CALN1: variants seen among roughly 807,000 people sequenced by gnomAD.
CALN1 encodes calcium-binding protein 8.
CALN1 carries 17 observed loss-of-function variants against 30.6 expected under a neutral mutation model. The observed-to-expected ratio is 0.56, with a 90% CI of 0.38 to 0.83. The LOEUF (loss-of-function observed/expected upper bound fraction) is 0.83. Among genes scored for constraint, CALN1 ranks in the 40% least tolerant of loss-of-function variants. CALN1 has a pLI of 0.00. For missense variants in CALN1, 291 were observed against 354.9 expected (o/e 0.82, Z 1.45); for synonymous variants, 156 against 131.4 (o/e 1.19, Z -1.28).
At chr7:72,083,408 C>CAT (rs1805282446) in intron 4 of CALN1, among the ~76,000 whole-genome samples, 1 of 151,566 alleles carries the variant, frequency 6.6e-6, no homozygotes, top group Non-Finnish European at 1.5e-5. Flanking sequence ...GTGAGACCCC[C>CAT]ATCTCTACAA....
chr7:72,381,945 GT>G (rs1330890894), intron 2 of CALN1, among the ~76,000 whole-genome samples: 3 of 152,174 alleles, frequency 2.0e-5, no homozygotes, highest in African/African-American at 7.2e-5. Flanking sequence ...TGCTTAAGAA[GT>G]TTTTTCCTGA....
chr7:71,871,438 G>C (rs1791920403), intron 5 of CALN1, among the ~76,000 whole-genome samples: 1 of 151,988 alleles, frequency 6.6e-6, no homozygotes, highest in Non-Finnish European at 1.5e-5. Flanking sequence ...AATGTGACTG[G>C]GAAAAAGCAT....
chr7:71,830,423 C>G (rs956657293), intron 5 of CALN1, among the ~76,000 whole-genome samples: 4 of 152,038 alleles, frequency 2.6e-5, no homozygotes, highest in Non-Finnish European at 5.9e-5. Context: ...TCTCGGCTCA[C>G]TGCAACCTCT....
At chr7:72,423,101 T>C (rs1444826017) in intron 1 of CALN1, among the ~76,000 whole-genome samples, 2 of 148,182 alleles carry the variant, frequency 1.3e-5, no homozygotes, top group Admixed American at 6.7e-5. Context: ...AGAATGAGAC[T>C]CCATCTCAAA....
At chr7:71,941,024 C>T (rs529877558) in intron 5 of CALN1, among the ~76,000 whole-genome samples, 27 of 152,160 alleles carry the variant, frequency 1.8e-4, no homozygotes, top group Admixed American at 1.8e-3. Flanking sequence ...AAAAGCCCCC[C>T]AAAATCAGTG....
At chr7:72,210,217 C>T (rs1477880072) in intron 3 of CALN1, among the ~76,000 whole-genome samples, 1 of 152,106 alleles carries the variant, frequency 6.6e-6, no homozygotes, top group African/African-American at 2.4e-5. Context: ...ACGGCCTCCC[C>T]TTGAGGCATG....
At chr7:72,191,399 C>T (rs994083964) in intron 3 of CALN1, among the ~76,000 whole-genome samples, 12 of 151,890 alleles carry the variant, frequency 7.9e-5, no homozygotes, top group Admixed American at 5.9e-4. Context: ...GTCAGGAGTT[C>T]GAGACCAGCC....
intron 3 of CALN1, among the ~76,000 whole-genome samples, chr7:72,254,512 C>T (rs992017945): frequency 6.6e-6 from 1 of 152,162 alleles, no homozygotes; most frequent in African/African-American, 2.4e-5. Context: ...CACACAGAGC[C>T]ACTGTCTCTA....
intron 3 of CALN1, among the ~76,000 whole-genome samples, chr7:72,176,404 C>T (rs1390172021): frequency 6.6e-6 from 1 of 152,144 alleles, no homozygotes; most frequent in Non-Finnish European, 1.5e-5. Context: ...AAATATGATT[C>T]CCAGTGTTGG....
chr7:72,374,648 G>C (rs1288099835), intron 2 of CALN1, among the ~76,000 whole-genome samples: 1 of 151,432 alleles, frequency 6.6e-6, no homozygotes, highest in Non-Finnish European at 1.5e-5. Flanking sequence ...CTTAGAGCTA[G>C]CATCATTTTA....
intron 5 of CALN1, among the ~76,000 whole-genome samples, chr7:71,953,620 T>C (rs1225769299): frequency 1.3e-5 from 2 of 152,164 alleles, no homozygotes; most frequent in African/African-American, 4.8e-5. Context: ...ATAGCTCTTT[T>C]GAGATGTGTG....
At chr7:72,255,866 G>C (rs927660968) in intron 3 of CALN1, among the ~76,000 whole-genome samples, 2 of 151,950 alleles carry the variant, frequency 1.3e-5, no homozygotes, top group Non-Finnish European at 2.9e-5. Flanking sequence ...GAGTAGCTGC[G>C]ATTACAGATG....
intron 3 of CALN1, among the ~76,000 whole-genome samples, chr7:72,225,576 C>CT (rs1793612627): frequency 6.6e-6 from 1 of 152,022 alleles, no homozygotes; most frequent in Non-Finnish European, 1.5e-5. Context: ...TCTCTGAAGA[C>CT]TGATAATTCC....
intron 1 of CALN1, among the ~76,000 whole-genome samples, chr7:72,407,470 T>C (rs1806780903): frequency 6.6e-6 from 1 of 152,238 alleles, no homozygotes; most frequent in African/African-American, 2.4e-5. Flanking sequence ...GTTCTTGTGA[T>C]ACAGTTCTCA....
chr7:72,170,856 A>T (rs1708740745), intron 3 of CALN1, among the ~76,000 whole-genome samples: 1 of 152,182 alleles, frequency 6.6e-6, no homozygotes, highest in African/African-American at 2.4e-5. Context: ...CTGAACAATG[A>T]ATATGATTTC....
rs139784587 is a variant in CALN1 at position 72,206,428 on chromosome 7, C to T, written c.244+72258G>A. ...ACTGCATAGATTCGCTGTAATATTA[C>T]TTCTGCCTCTTACTGCTTCTAATAC... On this transcript the variant is annotated intron_variant, in intron 3 of 6. Transcript: ENST00000395275. Among the ~76,000 whole-genome samples, 688 of 152,270 alleles carry T rather than the reference C, an allele frequency of 4.5e-3. 4 individuals carry two copies. The highest frequency in any genetic ancestry group is 0.016 in the African/African-American group (668 of 41,566).
intron 3 of CALN1, among the ~76,000 whole-genome samples, chr7:72,205,233 T>C (rs1322104123): frequency 6.6e-6 from 1 of 151,904 alleles, no homozygotes; most frequent in Non-Finnish European, 1.5e-5. Flanking sequence ...GATAGAGTCT[T>C]GCTCTGTCAC....
chr7:72,253,650 T>C (rs983376542), intron 3 of CALN1, among the ~76,000 whole-genome samples: 2 of 152,260 alleles, frequency 1.3e-5, no homozygotes, highest in Non-Finnish European at 2.9e-5. Context: ...ACTACCCCCA[T>C]GATCCAATCA....
chr7:72,210,796 A>G (rs1792335934), intron 3 of CALN1, among the ~76,000 whole-genome samples: 1 of 152,044 alleles, frequency 6.6e-6, no homozygotes, highest in African/African-American at 2.4e-5. Context: ...ATAGGGACAG[A>G]GCCAAACCAT....
Sources: allele counts gnomAD v4.1 joint callset (sites outside exome capture counted in the v4.1 genomes callset), GRCh38; gene constraint gnomAD v4.1.1; transcripts MANE v1.5; gene names NCBI Gene and HGNC (gene_info 2026-07-23, HGNC 2026-07-21).